The following CEP63 variants were observed in gnomAD, a reference collection of about 807,000 sequenced individuals.
CEP63 encodes the protein centrosomal protein of 63 kDa.
CEP63 carries 84 observed loss-of-function variants against 89.1 expected under a neutral mutation model. The ratio of observed to expected loss-of-function variants is 0.94; its 90% CI spans 0.79 to 1.13. CEP63 has a LOEUF of 1.13. CEP63 is among the 50% of genes most tolerant of loss of function. The probability of loss-of-function intolerance (pLI) is 0.00; values close to 1 mark genes in which losing one functional copy is unlikely to be tolerated. For missense variants in CEP63, 838 were observed against 813.3 expected, an observed-to-expected ratio of 1.03 and a Z score of -0.37; for synonymous variants, 267 against 272.5, an observed-to-expected ratio of 0.98 and a Z score of 0.20.
intron 6 of CEP63, among the ~76,000 whole-genome samples, chr3:134,538,198 G>GT (rs66539157): frequency 0.043 from 4,871 of 112,458 alleles, 87 homozygotes; most frequent in African/African-American, 0.063. Flanking sequence ...AGAAGGGAGG[G>GT]TTTTTTTTTT....
chr3:134,559,155 C>G lies in CEP63; in HGVS notation c.1679C>G (p.Thr560Ser). ...TTTTCTAATCTACCATCCAGGCCAA[C>G]CCATGGCCAGCACAGACATGATGGA... ...TEFKNTEFKP[T>S]HGQHRHDGIK... The change falls in exon 14 of 15, where the codon ACC (threonine) becomes AGC (serine). Residue 560 changes from threonine to serine, a missense_variant. Coordinates refer to ENST00000675561, the MANE Select transcript of CEP63 (RefSeq NM_001353108.3). 6.2e-7 allele frequency: 1 copy of G among 1,613,948 alleles called. No individual in the cohort carries two copies. Among genetic ancestry groups the G allele is most frequent in the Non-Finnish European group, 8.5e-7 (1 of 1,179,908 alleles).
rs1935195768 is a variant in CEP63, at chr3:134,486,139, C to T, written c.-89C>T. The T allele has an allele frequency of 4.1e-6, 4 of 985,624 alleles. No homozygotes were observed. Among genetic ancestry groups the T allele is most frequent in the Non-Finnish European group, 4.8e-6 (4 of 830,066 alleles). The allele number at this position is 985,624 out of a possible 1,614,324, so 61.1% of individuals were successfully genotyped here. A position where few individuals can be genotyped will look rare whatever the true frequency, so the allele number is the denominator to read the frequency against. The stretch of plus-strand genomic sequence containing the variant: ...GTGTGGGGGCAGTGGGCGGAACAAA[C>T]GCGCCGACTACAGAGGCTGGACGTA... On this transcript the variant is annotated 5_prime_UTR_variant, in exon 1 of 15. In the 5' UTR this introduces an upstream ATG that the reference lacks. Coordinates refer to ENST00000675561, the MANE Select transcript of CEP63 (RefSeq NM_001353108.3).
At chr3:134,603,320 A>T in the CEP63 span, 3 of 392,322 alleles carry the variant, frequency 7.6e-6, no homozygotes, top group East Asian at 8.3e-5. Flanking sequence ...TGTACAGTTT[A>T]CAATACCTTA....
At chr3:134,651,790 C>A in the CEP63 span, among the ~76,000 whole-genome samples, 1 of 152,182 alleles carries the variant, frequency 6.6e-6, no homozygotes, top group Non-Finnish European at 1.5e-5. Flanking sequence ...GCACAGGGAG[C>A]TGGACCTGAG....
intron 6 of CEP63, among the ~76,000 whole-genome samples, chr3:134,538,573 A>ATATATGT (rs1951352612): frequency 7.1e-6 from 1 of 141,820 alleles, no homozygotes; most frequent in Non-Finnish European, 1.5e-5. Flanking sequence ...ATATTTTTTT[A>ATATATGT]ACAACAAAAA....
At chr3:134,531,763 A>C (rs915977069) in intron 3 of CEP63, 82 bp from the exon 4 acceptor site, 3 of 1,035,778 alleles carry the variant, frequency 2.9e-6, no homozygotes, top group Non-Finnish European at 4.5e-6. Flanking sequence ...AAATAAATAC[A>C]GAGATTATTT....
chr3:134,628,315 C>T, the CEP63 span, among the ~76,000 whole-genome samples: 1 of 152,130 alleles, frequency 6.6e-6, no homozygotes. Context: ...CAACTGAATC[C>T]CATAAATCTA....
intron 5 of CEP63, among the ~76,000 whole-genome samples, chr3:134,534,657 G>T (rs1238993783): frequency 6.6e-6 from 1 of 151,982 alleles, no homozygotes; most frequent in Non-Finnish European, 1.5e-5. Context: ...CCACCTTTCT[G>T]CCCACTCTCT....
In CEP63 at chr3:134,563,332, C is replaced by A. The variant is rs868788490; in HGVS notation, c.*1797C>A. ...GTAGCCTCCTAACTGATAGTACTCA[C>A]ACCAGTAATTCAGGGAGCTTCTGGA... is the stretch of plus-strand genomic sequence containing the variant. On this transcript the variant is annotated 3_prime_UTR_variant, in exon 15 of 15. Transcript: ENST00000675561. 1.3e-5 allele frequency: 2 copies of A among 152,242 alleles called. No homozygotes were observed. Among genetic ancestry groups the A allele is most frequent in the Admixed American group, 6.5e-5 (1 of 15,284 alleles). The allele number at this position is 152,242 out of a possible 1,614,324, so 9.4% of individuals were successfully genotyped here. A position where few individuals can be genotyped will look rare whatever the true frequency, so the allele number is the denominator to read the frequency against.
chr3:134,537,283 T>C lies in CEP63; in HGVS notation c.555+15T>C, dbSNP rs761850291. The stretch of plus-strand genomic sequence containing the variant: ...AGATAATTCAGGTAGGCCTAAGACT[T>C]TTTAAAATAATGAGAAGCAGATAGG... On this transcript the variant is annotated intron_variant, in intron 6 of 14. Coordinates refer to ENST00000675561, the MANE Select transcript of CEP63 (RefSeq NM_001353108.3). 6.6e-7 allele frequency: 1 copy of C among 1,511,368 alleles called. No individual in the cohort carries two copies. Among genetic ancestry groups the C allele is most frequent in the South Asian group, 1.1e-5 (1 of 89,046 alleles). The allele number at this position is 1,511,368 out of a possible 1,614,324, so 93.6% of individuals were successfully genotyped here.
the CEP63 span, among the ~76,000 whole-genome samples, chr3:134,691,745 T>C: frequency 1.3e-5 from 2 of 152,206 alleles, no homozygotes; most frequent in African/African-American, 4.8e-5. Context: ...ATTCTTTTTT[T>C]ATTTTTCTCT....
the CEP63 span, among the ~76,000 whole-genome samples, chr3:134,664,770 TTG>T: frequency 1.1e-5 from 1 of 89,254 alleles, no homozygotes; most frequent in Non-Finnish European, 2.5e-5. Flanking sequence ...TTTCATTTTT[TTG>T]GGCCCTGGTT....
chr3:134,665,447 C>T, the CEP63 span, among the ~76,000 whole-genome samples: 1 of 152,190 alleles, frequency 6.6e-6, no homozygotes. Context: ...GGGCTTGGAC[C>T]TGGATCACAG....
the CEP63 span, among the ~76,000 whole-genome samples, chr3:134,601,348 A>G: frequency 5.3e-5 from 8 of 152,104 alleles, no homozygotes; most frequent in Non-Finnish European, 1.2e-4. Context: ...GCTGGGTGGC[A>G]TTCTCTGCAA....
the CEP63 span, among the ~76,000 whole-genome samples, chr3:134,750,382 G>A: frequency 3.9e-5 from 6 of 152,182 alleles, no homozygotes; most frequent in Non-Finnish European, 8.8e-5. Context: ...TAAGCCTAGG[G>A]CTGCTTCTGG....
In CEP63 at chr3:134,564,840, G is replaced by C; in HGVS notation, c.*3305G>C. On this transcript the variant is annotated 3_prime_UTR_variant, in exon 15 of 15. Coordinates refer to ENST00000675561, the MANE Select transcript of CEP63 (RefSeq NM_001353108.3). ...ACTAGGAGGAACAATGACAGACTCT[G>C]TAGTCACCGGAAATACTTAAGGAAT... 1.0e-6 allele frequency: 1 copy of C among 985,306 alleles called. No individual in the cohort carries two copies. The highest frequency in any genetic ancestry group is 1.2e-6 in the Non-Finnish European group (1 of 829,852). The allele number at this position is 985,306 out of a possible 1,614,324, so 61.0% of individuals were successfully genotyped here. A position where few individuals can be genotyped will look rare whatever the true frequency, so the allele number is the denominator to read the frequency against.
chr3:134,715,532 T>G, the CEP63 span, among the ~76,000 whole-genome samples: 7 of 23,928 alleles, frequency 2.9e-4, no homozygotes, highest in Non-Finnish European at 3.3e-4. Flanking sequence ...TTTTTTGTTT[T>G]TTTTTGTTTT....
downstream of CEP63, among the ~76,000 whole-genome samples, chr3:134,566,082 T>C (rs1041193049): frequency 8.5e-5 from 13 of 152,100 alleles, no homozygotes; most frequent in Admixed American, 8.5e-4. Context: ...TTGTAAAAGC[T>C]ATTTCTCCGC....
intron 2 of CEP63, among the ~76,000 whole-genome samples, chr3:134,495,808 A>G (rs539501002): frequency 5.3e-5 from 8 of 152,292 alleles, no homozygotes; most frequent in African/African-American, 1.9e-4. Flanking sequence ...TAGACCCCAC[A>G]TATGAATGAG....
Sources: gnomAD v4.1 joint callset for allele counts (sites outside exome capture counted in the v4.1 genomes callset) on GRCh38, gnomAD v4.1.1 for gene constraint, MANE v1.5 for transcripts, NCBI Gene and HGNC (gene_info 2026-07-23, HGNC 2026-07-21) for gene names.